XPR1: variants seen among roughly 807,000 people sequenced by gnomAD.
XPR1 encodes the protein xenotropic and polytropic retrovirus receptor 1, also known as solute carrier family 53 member 1.
Under a neutral mutation model 87.5 loss-of-function variants are expected in XPR1, and 28 were observed. The ratio of observed to expected loss-of-function variants is 0.32; its 90% CI spans 0.24 to 0.44. XPR1 has a LOEUF of 0.44. Among genes scored for constraint, XPR1 ranks in the 20% least tolerant of loss-of-function variants. The pLI, the probability that XPR1 is intolerant of heterozygous loss-of-function variation, is 1.00. For missense variants in XPR1, 559 were observed against 862.3 expected (o/e 0.65, Z 4.41); for synonymous variants, 300 against 306.1 (o/e 0.98, Z 0.21).
In XPR1 at chr1:180,659,381, GTCCTTCCTTCCTTCCTTCCTTCCT is replaced by G. The variant is rs1169616821; in HGVS notation, c.70-22944_70-22921del. 6.5e-3 allele frequency among the ~76,000 whole-genome samples: 360 copies of G among 55,408 alleles called. 1 individual carries two copies. Among genetic ancestry groups the G allele is most frequent in the Non-Finnish European group, 9.6e-3 (272 of 28,422 alleles). The allele number at this position is 55,408 out of a possible 152,430, so 36.3% of individuals were successfully genotyped here. On this transcript the variant is annotated intron_variant, in intron 1 of 14. Transcript: ENST00000367590. ...CTTCCGTCCTTCCGTCCGTCCTTCC[GTCCTTCCTTCCTTCCTTCCTTCCT>G]TCCTTCCTTCCTTCCTTCCTTCCTT...
chr1:180,703,867 T>G (rs1388441915), intron 2 of XPR1, among the ~76,000 whole-genome samples: 1 of 152,148 alleles, frequency 6.6e-6, no homozygotes, highest in African/African-American at 2.4e-5. Flanking sequence ...ATATATCGAG[T>G]ACTCAGTAGC....
chr1:180,682,338 T>A (rs773281795), intron 1 of XPR1, 22 bp from the exon 2 acceptor site: 14 of 1,565,560 alleles, frequency 8.9e-6, no homozygotes, highest in Non-Finnish European at 1.1e-5. Flanking sequence ...TTTCATATAT[T>A]GTTTTTCTTT....
chr1:180,819,221 T>A (rs1479440405), intron 7 of XPR1, among the ~76,000 whole-genome samples: 1 of 152,202 alleles, frequency 6.6e-6, no homozygotes, highest in Admixed American at 6.5e-5. Flanking sequence ...CCCAAAACAC[T>A]GGGATTACAG....
chr1:180,713,602 T>C (rs1271434963), intron 2 of XPR1, among the ~76,000 whole-genome samples: 3 of 152,176 alleles, frequency 2.0e-5, no homozygotes, highest in African/African-American at 7.2e-5. Flanking sequence ...CATTGGACTT[T>C]GTTAGGTGCT....
Position 180,867,252 on chromosome 1 carries a change from G to C in XPR1, c.1668+3378G>C, listed in dbSNP as rs1282950934. On this transcript the variant is annotated intron_variant, in intron 12 of 14. Transcript: ENST00000367590. The stretch of plus-strand genomic sequence containing the variant: ...GTTGGTTCCAAGTCTTTGCTATTGT[G>C]AATAGTGCCGCAATAAACATACGTG... Among the ~76,000 whole-genome samples the C allele has an allele frequency of 5.8e-4, 49 of 84,114 alleles. 3 individuals are homozygous for C. The highest frequency in any genetic ancestry group is 2.2e-3 in the African/African-American group (44 of 20,230). The allele number at this position is 84,114 out of a possible 152,430, so 55.2% of individuals were successfully genotyped here.
At chr1:180,634,515 T>G (rs1654698742) in intron 1 of XPR1, among the ~76,000 whole-genome samples, 1 of 152,112 alleles carries the variant, frequency 6.6e-6, no homozygotes, top group South Asian at 2.1e-4. Flanking sequence ...GTTTAAAACT[T>G]TGGGGAAAAA....
At chr1:180,737,797 T>C (rs981176072) in intron 2 of XPR1, among the ~76,000 whole-genome samples, 9 of 152,196 alleles carry the variant, frequency 5.9e-5, no homozygotes, top group African/African-American at 2.2e-4. Flanking sequence ...TCATTCCTTT[T>C]TGTTGCTGAG....
At chr1:180,845,889 A>G (rs1651664645) in intron 11 of XPR1, among the ~76,000 whole-genome samples, 1 of 152,334 alleles carries the variant, frequency 6.6e-6, no homozygotes, top group East Asian at 1.9e-4. Context: ...CTAACATATT[A>G]ATGTTGTTTC....
At chr1:180,749,512 G>A (rs1359122734) in intron 2 of XPR1, among the ~76,000 whole-genome samples, 1 of 152,010 alleles carries the variant, frequency 6.6e-6, no homozygotes, top group Non-Finnish European at 1.5e-5. Flanking sequence ...TCCAAATCAT[G>A]AGCATTTTGT....
At chr1:180,853,619 G>A (rs12129087) in intron 11 of XPR1, among the ~76,000 whole-genome samples, 1 of 118,548 alleles carries the variant, frequency 8.4e-6, no homozygotes, top group South Asian at 2.8e-4. Context: ...TTTGTTATTA[G>A]ACTATAGACA....
At chr1:180,837,309 T>C (rs1028242129) in intron 11 of XPR1, among the ~76,000 whole-genome samples, 3 of 152,236 alleles carry the variant, frequency 2.0e-5, no homozygotes, top group African/African-American at 7.2e-5. Flanking sequence ...CAGTCAACAA[T>C]CTCACTTCCT....
intron 2 of XPR1, among the ~76,000 whole-genome samples, chr1:180,774,686 T>G (rs1412180144): frequency 6.6e-6 from 1 of 152,040 alleles, no homozygotes; most frequent in East Asian, 1.9e-4. Flanking sequence ...GGATTACAGG[T>G]GTCAGCCACC....
intron 2 of XPR1, among the ~76,000 whole-genome samples, chr1:180,716,948 TC>T (rs1658017124): frequency 6.6e-6 from 1 of 152,204 alleles, no homozygotes; most frequent in Admixed American, 6.5e-5. Context: ...TTCTAGAAGC[TC>T]ATATTGATTC....
intron 3 of XPR1, 118 bp from the exon 4 acceptor site, chr1:180,803,270 C>A: frequency 1.1e-6 from 1 of 911,802 alleles, no homozygotes; most frequent in Non-Finnish European, 1.6e-6. Context: ...CTAAATATTA[C>A]ATGTAACGGT....
intron 9 of XPR1, among the ~76,000 whole-genome samples, chr1:180,826,050 C>CA (rs200238102): frequency 0.041 from 6,218 of 150,392 alleles, 164 homozygotes; most frequent in African/African-American, 0.072. Flanking sequence ...AACTCCATCT[C>CA]AAAAAAAAGA....
At chr1:180,702,083 A>T (rs1657352141) in intron 2 of XPR1, among the ~76,000 whole-genome samples, 1 of 71,678 alleles carries the variant, frequency 1.4e-5, no homozygotes, top group Non-Finnish European at 2.6e-5. Context: ...TAGTGCTATA[A>T]ATTTCCCTCT....
At chr1:180,813,530 AT>A (rs1362917697) in intron 7 of XPR1, among the ~76,000 whole-genome samples, 1 of 152,032 alleles carries the variant, frequency 6.6e-6, no homozygotes, top group Non-Finnish European at 1.5e-5. Flanking sequence ...ATGCCTGGGC[AT>A]TTGTCTCTCT....
At chr1:180,769,030 G>A (rs978965148) in intron 2 of XPR1, among the ~76,000 whole-genome samples, 1 of 151,804 alleles carries the variant, frequency 6.6e-6, no homozygotes, top group Non-Finnish European at 1.5e-5. Context: ...GTGGAAGAAT[G>A]TTTCTCAAAT....
rs925937086 is a variant in XPR1 at position 180,827,867 on chromosome 1, CT to C, written c.1134+2530del. 7.5e-5 allele frequency among the ~76,000 whole-genome samples: 9 copies of C among 120,512 alleles called. No individual in the cohort carries two copies. In the East Asian group the frequency reaches 1.0e-3, roughly 14 times the overall value. 79.1% of individuals were successfully genotyped at this position (120,512 alleles called of 152,430 possible). A position where few individuals can be genotyped will look rare whatever the true frequency, so the allele number is the denominator to read the frequency against. On this transcript the variant is annotated intron_variant, in intron 9 of 14. Coordinates refer to ENST00000367590, the MANE Select transcript of XPR1 (RefSeq NM_004736.4). The stretch of plus-strand genomic sequence containing the variant: ...TCCTAAAGTAAAAGTACATTTCTTT[CT>C]TTTTTTCTTTAATTTTTTTTTTTTT...
Sources: gnomAD v4.1 joint callset for allele counts (sites outside exome capture counted in the v4.1 genomes callset) on GRCh38, gnomAD v4.1.1 for gene constraint, MANE v1.5 for transcripts, NCBI Gene and HGNC (gene_info 2026-07-23, HGNC 2026-07-21) for gene names.